CPS1: variants seen among roughly 807,000 people sequenced by gnomAD.
The protein encoded by CPS1 is carbamoyl-phosphate synthase [ammonia], mitochondrial.
Under a neutral mutation model 174.6 loss-of-function variants are expected in CPS1, and 109 were observed. That is an observed-to-expected ratio of 0.62 (90% CI 0.53 to 0.73). CPS1 has a LOEUF of 0.73. Among genes scored for constraint, CPS1 ranks in the 30% least tolerant of loss-of-function variants. The pLI is 0.00. For synonymous variants in CPS1, 637 were observed against 632.0 expected (o/e 1.01, Z -0.12); for missense variants, 1,689 against 1,821.9 (o/e 0.93, Z 1.33).
chr2:210,610,837 C>A (rs775741732), intron 19 of CPS1, among the ~76,000 whole-genome samples: 1 of 150,288 alleles, frequency 6.7e-6, no homozygotes, highest in East Asian at 2.0e-4. Context: ...TTGTTATACA[C>A]GTTTTTTTTT....
chr2:210,675,954 G>A (rs1701515733), intron 36 of CPS1, 114 bp downstream of exon 36: 2 of 711,124 alleles, frequency 2.8e-6, no homozygotes, highest in African/African-American at 1.7e-5. Flanking sequence ...ATTTAAAAAT[G>A]AATACATTTG....
intron 21 of CPS1, among the ~76,000 whole-genome samples, chr2:210,620,489 A>T (rs1699474662): frequency 6.6e-6 from 1 of 152,084 alleles, no homozygotes; most frequent in African/African-American, 2.4e-5. Context: ...GAAATATCTG[A>T]GACTGGGTAG....
intron 21 of CPS1, among the ~76,000 whole-genome samples, chr2:210,623,426 G>T (rs1253043659): frequency 8.0e-5 from 12 of 149,752 alleles, no homozygotes; most frequent in Middle Eastern, 3.5e-3. Context: ...GTTTCATGTG[G>T]TTTTTTTTTG....
At position 210,595,484 on chromosome 2, in the gene CPS1, T is replaced by C. The variant is rs1036044437; in HGVS notation, c.1264-3T>C. The C allele has an allele frequency of 4.4e-6, 7 of 1,603,796 alleles. No homozygotes were observed. Among genetic ancestry groups the C allele is most frequent in the Middle Eastern group, 1.7e-4 (1 of 6,036 alleles). On this transcript the variant is annotated splice_polypyrimidine_tract_variant and splice_region_variant and intron_variant, in intron 12 of 37. Coordinates refer to ENST00000233072, the MANE Select transcript of CPS1 (RefSeq NM_001875.5). Reference sequence around the variant, plus strand: ...AACAGTGTCTTTTTCTTATTGCTTATAGGTTTCCAAAGTCCTTATTCTAGG... The same window carrying C: ...AACAGTGTCTTTTTCTTATTGCTTACAGGTTTCCAAAGTCCTTATTCTAGG...
At chr2:210,536,262 A>AT (rs1024252083) in intron 1 of CPS1, among the ~76,000 whole-genome samples, 2 of 146,222 alleles carry the variant, frequency 1.4e-5, no homozygotes, top group African/African-American at 5.1e-5. Flanking sequence ...AATAACCTCA[A>AT]TTTTTTTTTC....
intron 34 of CPS1, chr2:210,672,978 TA>T (rs1400546746): frequency 6.6e-6 from 1 of 152,182 alleles, no homozygotes; most frequent in East Asian, 1.9e-4. Context: ...AAGTAAATAT[TA>T]GGGGGTGTTA....
chr2:210,639,408 C>T (rs1021038604), intron 23 of CPS1, among the ~76,000 whole-genome samples, 193 bp downstream of exon 23: 1 of 151,046 alleles, frequency 6.6e-6, no homozygotes, highest in Non-Finnish European at 1.5e-5. Flanking sequence ...GTCAGGAGAT[C>T]GAGACCATCC....
chr2:210,556,664 TA>T lies in CPS1; in HGVS notation c.-65del. ...CCTCCCAGATTTCTTTTACATTAACTAAAAAGTCTTATCACACAATCTCATA... is the reference window on the plus strand; with the variant it reads ...CCTCCCAGATTTCTTTTACATTAACTAAAAGTCTTATCACACAATCTCATA... On this transcript the variant is annotated 5_prime_UTR_variant, in exon 1 of 38. Transcript: ENST00000233072. The T allele has an allele frequency of 6.2e-7, 1 of 1,601,126 alleles. No homozygotes were observed. Among genetic ancestry groups the T allele is most frequent in the Non-Finnish European group, 8.5e-7 (1 of 1,173,324 alleles).
chr2:210,556,858 A>G lies in CPS1; in HGVS notation c.125A>G (p.Lys42Arg), dbSNP rs1470087353. 1.2e-6 allele frequency: 2 copies of G among 1,612,900 alleles called. No homozygotes were observed. The highest frequency in any genetic ancestry group is 2.2e-5 in the South Asian group (2 of 91,066). ...CCTGGCATCAGGCTCCTTTCTGTCAAGGTAATACCCATATTGATTGTTTCT... is the reference window on the plus strand; with the variant it reads ...CCTGGCATCAGGCTCCTTTCTGTCAGGGTAATACCCATATTGATTGTTTCT... ...SRPGIRLLSVKAQTAHIVLED... is the reference protein window; with the variant it reads ...SRPGIRLLSVRAQTAHIVLED... The change falls in exon 1 of 38, where the codon AAG becomes AGG. Residue 42 changes from lysine to arginine, a missense_variant and splice_region_variant. Transcript: ENST00000233072.
At chr2:210,551,878 T>C (rs1012411299), upstream of CPS1, among the ~76,000 whole-genome samples, 11 of 151,976 alleles carry the variant, frequency 7.2e-5, no homozygotes, top group African/African-American at 2.7e-4. Flanking sequence ...ATCCTTGACA[T>C]ATTGGGAAGG....
At chr2:210,581,330 C>T (rs1320480706) in intron 5 of CPS1, among the ~76,000 whole-genome samples, 2 of 152,096 alleles carry the variant, frequency 1.3e-5, no homozygotes, top group Non-Finnish European at 2.9e-5. Flanking sequence ...TAGGTTAAAA[C>T]GAGCCCTCCT....
intron 1 of CPS1, among the ~76,000 whole-genome samples, chr2:210,534,679 T>C (rs1696201497): frequency 6.6e-6 from 1 of 152,242 alleles, no homozygotes; most frequent in African/African-American, 2.4e-5. Context: ...TGAAACATTT[T>C]ATTTTTCTGT....
intron 19 of CPS1, among the ~76,000 whole-genome samples, chr2:210,610,651 C>A (rs1353276832): frequency 6.6e-6 from 1 of 151,734 alleles, no homozygotes; most frequent in Non-Finnish European, 1.5e-5. Context: ...TAGTATAGGG[C>A]AAATGTGGTG....
intron 1 of CPS1, among the ~76,000 whole-genome samples, chr2:210,521,390 C>T (rs1475007095): frequency 6.6e-6 from 1 of 151,090 alleles, no homozygotes; most frequent in East Asian, 1.9e-4. Flanking sequence ...TTATAATATT[C>T]CTTGGTGTAG....
intron 20 of CPS1, among the ~76,000 whole-genome samples, chr2:210,613,815 C>G (rs1699211817): frequency 6.6e-6 from 1 of 151,752 alleles, no homozygotes; most frequent in African/African-American, 2.4e-5. Flanking sequence ...TATGTATGAG[C>G]AAGAAGTGCA....
chr2:210,614,817 A>G (rs985736053), intron 20 of CPS1, among the ~76,000 whole-genome samples: 3 of 151,802 alleles, frequency 2.0e-5, no homozygotes, highest in African/African-American at 7.3e-5. Context: ...TCTCACTCAT[A>G]AGTGGGAGTG....
At chr2:210,505,937 C>T (rs1695269788) in intron 1 of CPS1, among the ~76,000 whole-genome samples, 1 of 134,720 alleles carries the variant, frequency 7.4e-6, no homozygotes, top group Non-Finnish European at 1.6e-5. Context: ...GGCATGGCTG[C>T]CTCTGTAGAC....
At chr2:210,484,672 A>G (rs1274360856) in intron 1 of CPS1, among the ~76,000 whole-genome samples, 2 of 152,136 alleles carry the variant, frequency 1.3e-5, no homozygotes, top group Non-Finnish European at 2.9e-5. Context: ...TACCTAACTG[A>G]CTACCTGCTT....
chr2:210,581,810 T>C (rs1233479029), intron 5 of CPS1, among the ~76,000 whole-genome samples: 1 of 152,148 alleles, frequency 6.6e-6, no homozygotes, highest in Non-Finnish European at 1.5e-5. Context: ...AAAAGGGAAA[T>C]GAAAGCTTCC....
Sources: gnomAD v4.1 joint callset for allele counts (sites outside exome capture counted in the v4.1 genomes callset) on GRCh38, gnomAD v4.1.1 for gene constraint, MANE v1.5 for transcripts, NCBI Gene and HGNC (gene_info 2026-07-23, HGNC 2026-07-21) for gene names.